The following PAGE4 variants were observed in gnomAD, a reference collection of about 807,000 sequenced individuals.
PAGE4 encodes the protein P antigen family member 4.
In PAGE4, 1 loss-of-function variant was observed where a neutral mutation model predicts 8.5. The ratio of observed to expected loss-of-function variants is 0.12; its 90% CI spans 0.04 to 0.56. The LOEUF is 0.56. Ranked by LOEUF, PAGE4 falls within the 20% of genes least tolerant of loss-of-function variation. The pLI is 0.91. For missense variants in PAGE4, 93 were observed against 82.7 expected, an observed-to-expected ratio of 1.13 and a Z score of -0.49; for synonymous variants, 26 against 26.3, an observed-to-expected ratio of 0.99 and a Z score of 0.04.
chrX:49,832,204 A>T (rs1189979977), intron 3 of PAGE4, among the ~76,000 whole-genome samples: 1 of 111,918 alleles, frequency 8.9e-6, no homozygotes, highest in Admixed American at 9.5e-5. Flanking sequence ...GAGGATATAA[A>T]TGAGATAATG....
intron 3 of PAGE4, among the ~76,000 whole-genome samples, chrX:49,831,641 G>T (rs782643414): frequency 1.8e-5 from 2 of 111,724 alleles, no homozygotes; most frequent in Non-Finnish European, 3.8e-5. Context: ...GTAAGGAAAA[G>T]TTATCCAAGT....
intron 3 of PAGE4, among the ~76,000 whole-genome samples, chrX:49,831,574 A>G (rs1427001787): frequency 2.7e-5 from 3 of 112,116 alleles, no homozygotes; most frequent in Admixed American, 9.5e-5. Context: ...TTTCTGAACC[A>G]TAATCTGTTT....
intron 4 of PAGE4, among the ~76,000 whole-genome samples, chrX:49,833,063 A>AT (rs1266840920): frequency 8.9e-6 from 1 of 112,012 alleles, no homozygotes; most frequent in Non-Finnish European, 1.9e-5. Context: ...TGGTTTGTTG[A>AT]TTTTTTAAAA....
chrX:49,831,046 A>G lies in PAGE4; in HGVS notation c.128A>G (p.Glu43Gly), dbSNP rs1557156529. ...CCACCAACTGACAATCAGGATATTG[A>G]ACCTGGACAAGAGAGAGAAGGAACA... ...EEPPTDNQDI[E>G]PGQEREGTPP... Residue 43 changes from glutamate to glycine, a missense_variant, in exon 3 of 5, where the codon GAA becomes GGA. Physicochemically the swap from Glu to Gly is moderately conservative, Grantham distance 98. Coordinates refer to ENST00000218068, the MANE Select transcript of PAGE4 (RefSeq NM_007003.4). 1 of 1,190,932 alleles carries G rather than the reference A, an allele frequency of 8.4e-7. No homozygotes were observed. The highest frequency in any genetic ancestry group is 2.3e-5 in the Admixed American group (1 of 43,083).
At chrX:49,833,440 A>C (rs782142860) in intron 4 of PAGE4, among the ~76,000 whole-genome samples, 1 of 112,453 alleles carries the variant, frequency 8.9e-6, no homozygotes, top group Non-Finnish European at 1.9e-5. Context: ...GCTAATATAT[A>C]ATTAGCAGAA....
chrX:49,832,363 T>G (rs1923501676), intron 3 of PAGE4, among the ~76,000 whole-genome samples, 162 bp from the exon 4 acceptor site: 1 of 112,023 alleles, frequency 8.9e-6, no homozygotes, highest in South Asian at 3.7e-4. Flanking sequence ...GAAAACTTCA[T>G]AGTAGAGATA....
At chrX:49,833,753 A>G in intron 4 of PAGE4, 93 bp from the exon 5 acceptor site, 2 of 645,339 alleles carry the variant, frequency 3.1e-6, no homozygotes, top group Admixed American at 5.8e-5. Context: ...TTTCATCTTA[A>G]GAAACCAAAA....
rs1403237531 is a variant in PAGE4, at chrX:49,831,011, G to C, written c.93G>C (p.Gln31His). The change falls in exon 3 of 5, where the codon CAG becomes CAC. Residue 31 changes from glutamine to histidine, a missense_variant. Gln to His is a conservative substitution (Grantham distance 24). Coordinates refer to ENST00000218068, the MANE Select transcript of PAGE4 (RefSeq NM_007003.4). ...CCTCTCAAAAGCCCGGTGAATCTCA[G>C]CAAGAGGAACCACCAACTGACAATC... ...VVAFVAPGESQQEEPPTDNQD... is the reference protein window; with the variant it reads ...VVAFVAPGESHQEEPPTDNQD... 1 of 1,190,664 alleles carries C rather than the reference G, an allele frequency of 8.4e-7. No homozygotes were observed. Among genetic ancestry groups the C allele is most frequent in the Non-Finnish European group, 1.1e-6 (1 of 883,290 alleles).
chrX:49,834,046 G>T lies in PAGE4; in HGVS notation c.*184G>T. ...AATGGTATCTTTAAAAAATCCTTGT[G>T]TTCTGTTTAGAGCTGGTATATATTT... On this transcript the variant is annotated 3_prime_UTR_variant, in exon 5 of 5. Transcript: ENST00000218068. 1 of 424,086 alleles carries T rather than the reference G, an allele frequency of 2.4e-6. No homozygotes were observed. Among genetic ancestry groups the T allele is most frequent in the Non-Finnish European group, 4.2e-6 (1 of 240,584 alleles). The allele number at this position is 424,086 out of a possible 1,213,427, so 34.9% of individuals were successfully genotyped here.
intron 1 of PAGE4, chrX:49,829,931 G>A (rs142631453): frequency 0.013 from 1,419 of 112,867 alleles, 20 homozygotes; most frequent in African/African-American, 0.045. Flanking sequence ...CCATGACCTT[G>A]TGGTTGTGGC....
In PAGE4 at chrX:49,833,920, A is replaced by C. The variant is rs1301253994; in HGVS notation, c.*58A>C. On this transcript the variant is annotated 3_prime_UTR_variant, in exon 5 of 5. Coordinates refer to ENST00000218068, the MANE Select transcript of PAGE4 (RefSeq NM_007003.4). ...TGGCTGATGTCACATTGAAAATGTG[A>C]CTGAAAATTTGAAAATTCTCTCAAT... The C allele has an allele frequency of 7.2e-6, 7 of 967,437 alleles. No individual in the cohort carries two copies. Among genetic ancestry groups the C allele is most frequent in the Non-Finnish European group, 1.0e-5 (7 of 691,487 alleles). 79.7% of individuals were successfully genotyped at this position (967,437 alleles called of 1,213,427 possible). A position where few individuals can be genotyped will look rare whatever the true frequency, so the allele number is the denominator to read the frequency against.
chrX:49,830,332 T>TA (rs1230676670), intron 1 of PAGE4, 67 bp from the exon 2 acceptor site: 59 of 508,960 alleles, frequency 1.2e-4, no homozygotes, highest in Non-Finnish European at 1.7e-4. Flanking sequence ...CTCACAAAAT[T>TA]AAAAAAAATT....
intron 2 of PAGE4, 66 bp downstream of exon 2, chrX:49,830,572 C>T (rs1169683654): frequency 1.3e-5 from 10 of 767,378 alleles, no homozygotes; most frequent in Admixed American, 1.1e-4. Context: ...AAATCTAAAA[C>T]ATTGTTAACC....
chrX:49,832,654 C>T lies in PAGE4; in HGVS notation c.292+4C>T, dbSNP rs782596878. 1.3e-5 allele frequency: 15 copies of T among 1,190,469 alleles called. No homozygotes were observed. The highest frequency in any genetic ancestry group is 1.2e-4 in the East Asian group (4 of 33,338). ...CATGCTAAGACTAAAGAAGCAGGTACGTTATTCATTCGGAATGGAAGTCAT... is the reference window on the plus strand; with the variant it reads ...CATGCTAAGACTAAAGAAGCAGGTATGTTATTCATTCGGAATGGAAGTCAT... On this transcript the variant is annotated splice_donor_region_variant and intron_variant, in intron 4 of 4. Coordinates refer to ENST00000218068, the MANE Select transcript of PAGE4 (RefSeq NM_007003.4).
chrX:49,830,917 T>A, intron 2 of PAGE4, 80 bp from the exon 3 acceptor site: 2 of 610,633 alleles, frequency 3.3e-6, no homozygotes, highest in Non-Finnish European at 5.3e-6. Flanking sequence ...CTTCACATAG[T>A]ATGTATATTT....
chrX:49,831,119 T>C, intron 3 of PAGE4, 35 bp downstream of exon 3: 2 of 954,433 alleles, frequency 2.1e-6, no homozygotes, highest in Non-Finnish European at 2.9e-6. Context: ...TTGTGTTTCA[T>C]GTATGATTTT....
intron 3 of PAGE4, among the ~76,000 whole-genome samples, chrX:49,831,898 T>C (rs185948476): frequency 2.7e-5 from 3 of 112,010 alleles, no homozygotes; most frequent in African/African-American, 6.5e-5. Flanking sequence ...TAATATATAG[T>C]CCATTGCAGT....
chrX:49,832,554 A>G lies in PAGE4; in HGVS notation c.196A>G (p.Met66Val). The G allele has an allele frequency of 1.7e-6, 2 of 1,195,205 alleles. No homozygotes were observed. Among genetic ancestry groups the G allele is most frequent in the Non-Finnish European group, 2.3e-6 (2 of 882,169 alleles). Residue 66 changes from methionine (M) to valine (V), a missense_variant, in exon 4 of 5, where the codon ATG (methionine) becomes GTG (valine). Coordinates refer to ENST00000218068, the MANE Select transcript of PAGE4 (RefSeq NM_007003.4). ...ERKVEGDCQE[M>V]DLEKTRSERG... ...TAAAGTAGAAGGTGATTGCCAGGAA[A>G]TGGATCTGGAAAAGACTCGGAGTGA... is the stretch of plus-strand genomic sequence containing the variant.
chrX:49,830,369 G>C, intron 1 of PAGE4, 30 bp from the exon 2 acceptor site: 1 of 791,070 alleles, frequency 1.3e-6, no homozygotes, highest in Non-Finnish European at 1.8e-6. Flanking sequence ...CATGGAAAGA[G>C]TCAAGTATAA....
Sources: gnomAD v4.1 joint callset for allele counts (sites outside exome capture counted in the v4.1 genomes callset) on GRCh38, gnomAD v4.1.1 for gene constraint, MANE v1.5 for transcripts, NCBI Gene and HGNC (gene_info 2026-07-23, HGNC 2026-07-21) for gene names.